LEPR: variants seen among roughly 807,000 people sequenced by gnomAD.
LEPR encodes the protein leptin receptor, also known as OB receptor.
In LEPR, 56 loss-of-function variants were observed where a neutral mutation model predicts 114.7. That is an observed-to-expected ratio of 0.49 (90% confidence interval 0.39 to 0.61). The LOEUF (loss-of-function observed/expected upper bound fraction) is 0.61. Ranked by LOEUF, LEPR falls within the 20% of genes least tolerant of loss-of-function variation. The probability of loss-of-function intolerance (pLI) is 0.00; values close to 1 mark genes in which losing one functional copy is unlikely to be tolerated. For synonymous variants in LEPR, 443 were observed against 461.4 expected (o/e 0.96, Z 0.51); for missense variants, 1,202 against 1,352.9 (o/e 0.89, Z 1.75).
At chr1:65,461,062 G>A (rs538913935) in intron 2 of LEPR, among the ~76,000 whole-genome samples, 6 of 148,506 alleles carry the variant, frequency 4.0e-5, no homozygotes, top group Admixed American at 2.7e-4. Context: ...TGCAACCTCC[G>A]TCTCCTGGGT....
chr1:65,580,301 G>C (rs1263385669), intron 5 of LEPR, among the ~76,000 whole-genome samples: 1 of 152,158 alleles, frequency 6.6e-6, no homozygotes, highest in African/African-American at 2.4e-5. Flanking sequence ...GAACTCCATG[G>C]AAGAGAAAAT....
At chr1:65,422,010 A>C (rs1346268736) in intron 1 of LEPR, among the ~76,000 whole-genome samples, 3 of 152,234 alleles carry the variant, frequency 2.0e-5, no homozygotes, top group African/African-American at 7.2e-5. Flanking sequence ...CAGAGCTGGA[A>C]ATAATTATAT....
chr1:65,553,139 G>C (rs968559626), intron 2 of LEPR, among the ~76,000 whole-genome samples: 1 of 152,162 alleles, frequency 6.6e-6, no homozygotes, highest in Non-Finnish European at 1.5e-5. Flanking sequence ...CTCTCTGGCT[G>C]CCCTTGACGT....
chr1:65,432,641 A>G (rs1448802735), intron 2 of LEPR: 1 of 984,992 alleles, frequency 1.0e-6, no homozygotes, highest in South Asian at 4.7e-5. Flanking sequence ...ATATTTAGGC[A>G]GTTCCTCAAA....
chr1:65,605,223 T>C lies in LEPR; in HGVS notation c.1589T>C (p.Leu530Pro), dbSNP rs1410608135. 3 of 1,614,148 alleles carry C rather than the reference T, an allele frequency of 1.9e-6. No individual in the cohort carries two copies. Among genetic ancestry groups the C allele is most frequent in the Middle Eastern group, 1.6e-4 (1 of 6,062 alleles). ...GSLDSPPTCVLPDSVVKPLPP... is the reference protein window; with the variant it reads ...GSLDSPPTCVPPDSVVKPLPP... ...CTTGACTCTCCACCAACATGTGTCC[T>C]TCCTGATTCTGTGGGTATGTCAAGC... The change falls in exon 11 of 20, where the codon CTT (leucine) becomes CCT (proline). Residue 530 changes from leucine (L) to proline (P), a missense_variant. Physicochemically the swap from Leu to Pro is moderately conservative, Grantham distance 98. Coordinates refer to ENST00000349533, the MANE Select transcript of LEPR (RefSeq NM_002303.6).
intron 2 of LEPR, chr1:65,525,738 C>A: frequency 2.0e-6 from 2 of 986,106 alleles, no homozygotes; most frequent in Non-Finnish European, 2.4e-6. Flanking sequence ...CCACGGCCAG[C>A]CGAGCGCGCG....
intron 5 of LEPR, among the ~76,000 whole-genome samples, chr1:65,581,489 C>G (rs918037040): frequency 2.0e-5 from 3 of 149,760 alleles, no homozygotes; most frequent in African/African-American, 7.4e-5. Context: ...CTGTCTCTTT[C>G]TGTCTCTATA....
At chr1:65,624,593 G>A (rs748568099) in intron 19 of LEPR, among the ~76,000 whole-genome samples, 12 of 152,142 alleles carry the variant, frequency 7.9e-5, no homozygotes, top group Admixed American at 4.6e-4. Context: ...TTCCAACCTA[G>A]TACACCATAG....
intron 2 of LEPR, among the ~76,000 whole-genome samples, chr1:65,438,257 TAAAG>T (rs773923347): frequency 2.0e-5 from 3 of 151,328 alleles, no homozygotes; most frequent in Middle Eastern, 3.5e-3. Flanking sequence ...ATGGCCACGA[TAAAG>T]AAGAGACCAG....
chr1:65,443,303 C>T (rs1038304205), intron 2 of LEPR, among the ~76,000 whole-genome samples: 1 of 152,046 alleles, frequency 6.6e-6, no homozygotes, highest in South Asian at 2.1e-4. Flanking sequence ...CCAATAATCC[C>T]AGCATTTTGG....
At chr1:65,606,483 T>C (rs1280570286) in intron 11 of LEPR, among the ~76,000 whole-genome samples, 10 of 152,200 alleles carry the variant, frequency 6.6e-5, no homozygotes, top group Non-Finnish European at 1.2e-4. Flanking sequence ...AAATACCATC[T>C]CCACTTATTA....
intron 19 of LEPR, among the ~76,000 whole-genome samples, chr1:65,630,942 C>A (rs927098687): frequency 6.6e-6 from 1 of 151,974 alleles, no homozygotes; most frequent in Non-Finnish European, 1.5e-5. Context: ...CCTTCTAGGT[C>A]GTGTGTTCCT....
chr1:65,485,284 C>T (rs902462058), intron 2 of LEPR, among the ~76,000 whole-genome samples: 1 of 152,134 alleles, frequency 6.6e-6, no homozygotes, highest in African/African-American at 2.4e-5. Context: ...TTACAACTAA[C>T]GTATCTTGAA....
intron 19 of LEPR, chr1:65,635,308 GTT>G: frequency 1.0e-6 from 1 of 980,914 alleles, no homozygotes; most frequent in Non-Finnish European, 1.2e-6. Flanking sequence ...TTTTGCATTT[GTT>G]TTTTCAATGT....
intron 2 of LEPR, among the ~76,000 whole-genome samples, chr1:65,511,327 A>G (rs1056791400): frequency 3.4e-4 from 51 of 152,194 alleles, no homozygotes; most frequent in African/African-American, 5.5e-4. Context: ...TCAGACCCCA[A>G]TCCAGACCTG....
At position 65,636,980 on chromosome 1, in the gene LEPR, A is replaced by T; in HGVS notation, c.3463A>T (p.Ile1155Phe). Residue 1155 changes from isoleucine (I) to phenylalanine (F), a missense_variant, in exon 20 of 20, where the codon ATC becomes TTC. Coordinates refer to ENST00000349533, the MANE Select transcript of LEPR (RefSeq NM_002303.6). ...AACTTGTTCTACTCAGACTCATAAG[A>T]TCATGGAAAACAAGATGTGTGACCT... ...FQTCSTQTHK[I>F]MENKMCDLTV 1 of 1,613,666 alleles carries T rather than the reference A, an allele frequency of 6.2e-7. No individual in the cohort carries two copies. Among genetic ancestry groups the T allele is most frequent in the Non-Finnish European group, 8.5e-7 (1 of 1,179,896 alleles).
intron 10 of LEPR, among the ~76,000 whole-genome samples, chr1:65,604,343 A>T (rs12087511): frequency 0.18 from 26,653 of 151,864 alleles, 2,491 homozygotes; most frequent in Middle Eastern, 0.24. Context: ...AATTTAATTT[A>T]ATTTAATTTT....
intron 5 of LEPR, among the ~76,000 whole-genome samples, chr1:65,573,125 T>C (rs541622999): frequency 6.6e-6 from 1 of 152,330 alleles, no homozygotes; most frequent in African/African-American, 2.4e-5. Context: ...GCAGGGCAAT[T>C]ATACCTTTTA....
chr1:65,453,035 C>G (rs1646810065), intron 2 of LEPR, among the ~76,000 whole-genome samples: 1 of 152,142 alleles, frequency 6.6e-6, no homozygotes, highest in Admixed American at 6.6e-5. Flanking sequence ...GGAATTTATC[C>G]ATTTCTTCTA....
Sources: allele counts gnomAD v4.1 joint callset (sites outside exome capture counted in the v4.1 genomes callset), GRCh38; gene constraint gnomAD v4.1.1; transcripts MANE v1.5; gene names NCBI Gene and HGNC (gene_info 2026-07-23, HGNC 2026-07-21).